NECTIN2: variants seen among roughly 807,000 people sequenced by gnomAD.
The protein encoded by NECTIN2 is nectin-2.
In NECTIN2, 23 loss-of-function variants were observed where a neutral mutation model predicts 56.9. The observed-to-expected ratio is 0.40, with a 90% CI of 0.29 to 0.57. NECTIN2 has a LOEUF of 0.57. Ranked by LOEUF, NECTIN2 falls within the 20% of genes least tolerant of loss-of-function variation. The pLI is 0.38. For missense variants in NECTIN2, 587 were observed against 718.3 expected (o/e 0.82, Z 2.09); for synonymous variants, 302 against 313.8 (o/e 0.96, Z 0.40).
chr19:44,852,435 GT>G (rs11356850), intron 1 of NECTIN2, among the ~76,000 whole-genome samples: 97,884 of 141,968 alleles, frequency 0.69, 33,427 homozygotes, highest in Admixed American at 0.76. Context: ...TGTTTTTTTT[GT>G]TTTTTTTTTG....
intron 5 of NECTIN2, chr19:44,878,546 C>A: frequency 7.4e-6 from 12 of 1,613,970 alleles, no homozygotes; most frequent in Non-Finnish European, 1.0e-5. Flanking sequence ...GTTGCCTCCA[C>A]CCCCAGCACT....
rs536833560 is a variant in NECTIN2, at chr19:44,886,815, T to C, written c.1347+596T>C. Among the ~76,000 whole-genome samples, 341 of 151,942 alleles carry C rather than the reference T, an allele frequency of 2.2e-3. 2 individuals are homozygous for C. In the South Asian group the frequency reaches 0.025, roughly 11 times the overall value. On this transcript the variant is annotated intron_variant, in intron 8 of 8. Coordinates refer to ENST00000252483, the MANE Select transcript of NECTIN2 (RefSeq NM_001042724.2). ...CAGTACTTTGGGAGGCCAAGGTAGC[T>C]GGACCCCTTGAGCCTAGGAGCTCGA...
At chr19:44,876,630 C>T (rs893514628) in intron 5 of NECTIN2, among the ~76,000 whole-genome samples, 15 of 152,184 alleles carry the variant, frequency 9.9e-5, no homozygotes, top group Non-Finnish European at 1.6e-4. Context: ...GCCACGAACC[C>T]ACATCCAGGC....
At chr19:44,857,617 G>C (rs937271969) in intron 1 of NECTIN2, among the ~76,000 whole-genome samples, 1 of 151,940 alleles carries the variant, frequency 6.6e-6, no homozygotes, top group Non-Finnish European at 1.5e-5. Context: ...GGCCAGGCTG[G>C]TCTCGAACTC....
chr19:44,861,787 A>G (rs1969034530), intron 1 of NECTIN2, among the ~76,000 whole-genome samples: 1 of 152,196 alleles, frequency 6.6e-6, no homozygotes, highest in African/African-American at 2.4e-5. Context: ...GCAAATCAAA[A>G]CAATGAGATA....
intron 5 of NECTIN2, chr19:44,878,478 C>A (rs1969268803): frequency 1.2e-6 from 2 of 1,612,650 alleles, no homozygotes; most frequent in Non-Finnish European, 1.7e-6. Flanking sequence ...CCCATGGAAC[C>A]AGATGGCAAG....
chr19:44,863,841 C>CAAA (rs34834700), intron 1 of NECTIN2, among the ~76,000 whole-genome samples: 78 of 132,566 alleles, frequency 5.9e-4, no homozygotes, highest in Non-Finnish European at 7.0e-4. Flanking sequence ...GACTCAGTCT[C>CAAA]AAAAAAAAAA....
intron 8 of NECTIN2, among the ~76,000 whole-genome samples, chr19:44,886,973 G>A (rs918176193): frequency 6.8e-6 from 1 of 147,418 alleles, no homozygotes; most frequent in Non-Finnish European, 1.5e-5. Context: ...TTGGGGCTGT[G>A]CCACTACACT....
rs903033984 is a variant in NECTIN2, at chr19:44,875,798, C to CA, written c.1042+1321dup. Among the ~76,000 whole-genome samples, 2 of 152,180 alleles carry CA rather than the reference C, an allele frequency of 1.3e-5. No homozygotes were observed. The highest frequency in any genetic ancestry group is 2.9e-5 in the Non-Finnish European group (2 of 68,030). ...ACTTGCAGGGACACCCGAGGGAAAA[C>CA]AGACACCTCTTCAGGAATCCAGATA... On this transcript the variant is annotated intron_variant, in intron 5 of 8. Coordinates refer to ENST00000252483, the MANE Select transcript of NECTIN2 (RefSeq NM_001042724.2). The surrounding 1 kb of genome is among the most constrained non-coding windows in gnomAD (Gnocchi z 4.2).
intron 5 of NECTIN2, chr19:44,878,509 G>A (rs780977718): frequency 9.3e-6 from 15 of 1,613,806 alleles, no homozygotes; most frequent in South Asian, 5.5e-5. Flanking sequence ...AGGAGGAGGA[G>A]GAAGAGAAGG....
intron 5 of NECTIN2, chr19:44,878,740 G>A: frequency 6.8e-7 from 1 of 1,463,722 alleles, no homozygotes. Context: ...GTGGAACACT[G>A]CCTCCCACTT....
chr19:44,876,415 A>AC (rs1406565033), intron 5 of NECTIN2, among the ~76,000 whole-genome samples: 1 of 151,452 alleles, frequency 6.6e-6, no homozygotes, highest in Admixed American at 6.6e-5. Flanking sequence ...GTGGAAAGAC[A>AC]CCCCCACCTA....
At chr19:44,847,802 C>A (rs538133413) in intron 1 of NECTIN2, among the ~76,000 whole-genome samples, 18 of 152,002 alleles carry the variant, frequency 1.2e-4, no homozygotes, top group Non-Finnish European at 2.4e-4. Context: ...GCGCCTTTGT[C>A]CTCAGAGCCA....
At chr19:44,872,181 CA>C in intron 3 of NECTIN2, 32 bp downstream of exon 3, 1 of 1,599,282 alleles carries the variant, frequency 6.3e-7, no homozygotes, top group Non-Finnish European at 8.6e-7. Flanking sequence ...CCTCCCCCAT[CA>C]AAACTGCCTA....
In NECTIN2 at chr19:44,885,962, C is replaced by T; in HGVS notation, c.1222C>T (p.Pro408Ser). The T allele has an allele frequency of 6.2e-7, 1 of 1,600,894 alleles. No homozygotes were observed. The highest frequency in any genetic ancestry group is 8.6e-7 in the Non-Finnish European group (1 of 1,168,060). ...CCTGGAGGGACCTCCCTCCTACAAG[C>T]CACCGACCCCAAAAGCGAAGCTGGA... ...EDLEGPPSYK[P>S]PTPKAKLEAQ... Residue 408 changes from proline to serine, a missense_variant, in exon 7 of 9, where the codon CCA becomes TCA. Coordinates refer to ENST00000252483, the MANE Select transcript of NECTIN2 (RefSeq NM_001042724.2).
Position 44,865,290 on chromosome 19 carries a change from T to C in NECTIN2, c.108T>C (p.Val36=). 3.7e-6 allele frequency: 6 copies of C among 1,612,618 alleles called. No individual in the cohort carries two copies. The highest frequency in any genetic ancestry group is 1.3e-5 in the African/African-American group (1 of 74,970). The stretch of plus-strand genomic sequence containing the variant: ...GCCCAGGAGCCCAGGATGTGCGAGT[T>C]CAAGTGCTACCCGAGGTGCGAGGCC... The part of the protein sequence containing the change: ...LLETGAQDVR[V]QVLPEVRGQL... The change falls in exon 2 of 9, where the codon GTT becomes GTC. Residue 36 remains valine (V), a synonymous_variant. Coordinates refer to ENST00000252483, the MANE Select transcript of NECTIN2 (RefSeq NM_001042724.2). The surrounding 1 kb of genome is among the most constrained non-coding windows in gnomAD (Gnocchi z 5.2).
At chr19:44,856,797 C>G (rs926971107) in intron 1 of NECTIN2, among the ~76,000 whole-genome samples, 1 of 152,198 alleles carries the variant, frequency 6.6e-6, no homozygotes, top group Admixed American at 6.5e-5. Flanking sequence ...AGCCACATAT[C>G]CGGACTTCTG....
At chr19:44,851,220 G>C (rs1968895882) in intron 1 of NECTIN2, among the ~76,000 whole-genome samples, 1 of 148,140 alleles carries the variant, frequency 6.8e-6, no homozygotes, top group Non-Finnish European at 1.5e-5. Context: ...TCCTCCCTCA[G>C]ACCCAGGAGT....
chr19:44,881,613 G>A (rs1969308852), intron 5 of NECTIN2, among the ~76,000 whole-genome samples: 1 of 152,086 alleles, frequency 6.6e-6, no homozygotes, highest in Admixed American at 6.5e-5. Flanking sequence ...CTTGAGCCCA[G>A]GAGATTGGGG....
Sources: allele counts gnomAD v4.1 joint callset (sites outside exome capture counted in the v4.1 genomes callset), GRCh38; gene constraint gnomAD v4.1.1; non-coding constraint Gnocchi (gnomAD v3.1); transcripts MANE v1.5; gene names NCBI Gene and HGNC (gene_info 2026-07-23, HGNC 2026-07-21).